MEN1: variants seen among roughly 807,000 people sequenced by gnomAD.
MEN1 encodes the protein menin.
MEN1 carries 6 observed loss-of-function variants against 58.0 expected under a neutral mutation model. The observed-to-expected ratio is 0.10, with a 90% CI of 0.06 to 0.20. The LOEUF (loss-of-function observed/expected upper bound fraction) is 0.20, where lower values mean the gene tolerates loss of function less well. Ranked by LOEUF, MEN1 falls within the 10% of genes least tolerant of loss-of-function variation. The pLI, the probability that MEN1 is intolerant of heterozygous loss-of-function variation, is 1.00. For missense variants in MEN1, 492 were observed against 818.5 expected (o/e 0.60, Z 4.87); for synonymous variants, 346 against 350.7 (o/e 0.99, Z 0.15).
chr11:64,805,670 C>T lies in MEN1; in HGVS notation c.1150G>A (p.Glu384Lys). The change falls in exon 8 of 10, where the codon GAG becomes AAG. Residue 384 changes from glutamate to lysine, a missense_variant. By Grantham distance (56) the Glu-to-Lys change is moderately conservative. This residue lies in a region of MEN1 where 335 missense variants were observed against 550.3 expected (regional missense o/e 0.61). Transcript: ENST00000450708. ...TCCCCCGGCCGCTCCTCGCCCGCCT[C>T]CAGCAAGCTGGCTGCCTCCTTCAGC... ...NLLKEAASLL[E>K]AGEERPGEQS... 1 of 1,614,152 alleles carries T rather than the reference C, an allele frequency of 6.2e-7. No individual in the cohort carries two copies.
At chr11:64,806,977 G>A (rs1021989103) in intron 6 of MEN1, 34 bp downstream of exon 6, 3 of 1,600,304 alleles carry the variant, frequency 1.9e-6, no homozygotes, top group Non-Finnish European at 2.6e-6. Context: ...CACTGTTAGG[G>A]TCTCCCTTCT....
rs1164926878 is a variant in MEN1 at position 64,804,116 on chromosome 11, G to A, written c.*218C>T. The A allele has an allele frequency of 1.3e-5, 8 of 604,162 alleles. No homozygotes were observed. In the Admixed American group the frequency reaches 2.4e-4, roughly 18 times the overall value. 37.4% of individuals were successfully genotyped at this position (604,162 alleles called of 1,614,324 possible). A position where few individuals can be genotyped will look rare whatever the true frequency, so the allele number is the denominator to read the frequency against. On this transcript the variant is annotated 3_prime_UTR_variant, in exon 10 of 10. Transcript: ENST00000450708. The surrounding 1 kb of genome is among the most constrained non-coding windows in gnomAD (Gnocchi z 4.2). Reference sequence around the variant, plus strand: ...TTTCCATTGGCCGGCTGGGATTCTGGGAGAAGAGACCTATATTCTAACGAC... The same window carrying A: ...TTTCCATTGGCCGGCTGGGATTCTGAGAGAAGAGACCTATATTCTAACGAC...
Position 64,807,530 on chromosome 11 carries a change from G to GC in MEN1, c.783+21dup, listed in dbSNP as rs1418636593. ...GTCAAGTCTGGCCTAGCCCAGTCCT[G>GC]CCCCATTGGCTCAGCCCTCACCTGC... On this transcript the variant is annotated intron_variant, in intron 4 of 9. Transcript: ENST00000450708. This position sits in a 1 kb window ranked among gnomAD's most constrained non-coding sequence, Gnocchi z 4.9. 1 of 1,613,558 alleles carries GC rather than the reference G, an allele frequency of 6.2e-7. No individual in the cohort carries two copies. The highest frequency in any genetic ancestry group is 1.3e-5 in the African/African-American group (1 of 74,914).
rs990141724 is a variant in MEN1, at chr11:64,804,516, G to A, written c.1651C>T (p.Leu551Phe). Residue 551 changes from leucine (L) to phenylalanine (F), a missense_variant, in exon 10 of 10, where the codon CTC becomes TTC. Transcript: ENST00000450708. This position sits in a 1 kb window ranked among gnomAD's most constrained non-coding sequence, Gnocchi z 4.2. ...TASPPPEGPV[L>F]TFQSEKMKGM... is the part of the protein sequence containing the mutation. ...TTCATCTTCTCACTCTGGAAAGTGA[G>A]CACTGGACCCTCCGGCGGTGGTGAT... 1 of 1,614,092 alleles carries A rather than the reference G, an allele frequency of 6.2e-7. No homozygotes were observed. Among genetic ancestry groups the A allele is most frequent in the Non-Finnish European group, 8.5e-7 (1 of 1,180,012 alleles).
rs757417271 is a variant in MEN1 at position 64,804,466 on chromosome 11, G to A, written c.1701C>T (p.Ala567=). 15 of 1,614,050 alleles carry A rather than the reference G, an allele frequency of 9.3e-6. No individual in the cohort carries two copies. In the South Asian group the frequency reaches 1.4e-4, roughly 15 times the overall value. ...TGATGGCGCTCGAGTTGATCTTGGT[G>A]GCCACCAGCAGCTCCTTCATGCCCT... ...KMKGMKELLV[A]TKINSSAIKL... is the part of the protein sequence containing the mutation. Residue 567 remains alanine (A), a synonymous_variant, in exon 10 of 10, where the codon GCC becomes GCT. Transcript: ENST00000450708. This position sits in a 1 kb window ranked among gnomAD's most constrained non-coding sequence, Gnocchi z 4.2.
chr11:64,807,864 G>A lies in MEN1; in HGVS notation c.654+27C>T, dbSNP rs1941844699. ...GCTTGGGCTACTACAGTATGAAGGG[G>A]ACAAGGCTGGGGGGAGGGAACAATA... On this transcript the variant is annotated intron_variant, in intron 3 of 9. Transcript: ENST00000450708. This position sits in a 1 kb window ranked among gnomAD's most constrained non-coding sequence, Gnocchi z 4.9. 1.7e-5 allele frequency: 27 copies of A among 1,613,416 alleles called. No homozygotes were observed. Among genetic ancestry groups the A allele is most frequent in the Non-Finnish European group, 2.2e-5 (26 of 1,179,534 alleles).
intron 7 of MEN1, 185 bp from the exon 8 acceptor site, chr11:64,805,955 G>A (rs903285944): frequency 2.2e-5 from 15 of 685,742 alleles, no homozygotes; most frequent in South Asian, 3.4e-5. Flanking sequence ...GCATGGGGCC[G>A]AGGGTGGAAG....
chr11:64,811,007 T>A (rs955499739), upstream of MEN1: 1 of 152,212 alleles, frequency 6.6e-6, no homozygotes, highest in Non-Finnish European at 1.5e-5. Flanking sequence ...TGGGTATCAG[T>A]GTCTGTTAAC....
At chr11:64,806,009 C>G (rs1188250433) in intron 7 of MEN1, 10 of 655,898 alleles carry the variant, frequency 1.5e-5, no homozygotes. Context: ...AGATTTGAGA[C>G]TGTTCTGAGA....
chr11:64,810,111 G>A lies in MEN1; in HGVS notation c.-2C>T, dbSNP rs653534. ...CTTCTGGGCGGCCTTCAGCCCCATG[G>A]CGGCGGGCGGTGGGCGGCGGCCTGC... On this transcript the variant is annotated 5_prime_UTR_variant, in exon 2 of 10. Coordinates refer to ENST00000450708, the MANE Select transcript of MEN1 (RefSeq NM_001370259.2). The A allele has an allele frequency of 3.8e-6, 6 of 1,570,002 alleles. No homozygotes were observed. Among genetic ancestry groups the A allele is most frequent in the Non-Finnish European group, 5.2e-6 (6 of 1,161,610 alleles).
intron 1 of MEN1, 82 bp from the exon 2 acceptor site, chr11:64,810,214 C>T (rs1051309910): frequency 1.1e-5 from 9 of 829,766 alleles, no homozygotes; most frequent in Non-Finnish European, 1.7e-5. Context: ...GTTCCACCCG[C>T]CCCGACACAC....
chr11:64,810,119 C>A lies in MEN1; in HGVS notation c.-10G>T. The A allele has an allele frequency of 1.6e-6, 1 of 637,622 alleles. No individual in the cohort carries two copies. The highest frequency in any genetic ancestry group is 2.2e-6 in the Non-Finnish European group (1 of 458,242). The allele number at this position is 637,622 out of a possible 1,614,324, so 39.5% of individuals were successfully genotyped here. A position where few individuals can be genotyped will look rare whatever the true frequency, so the allele number is the denominator to read the frequency against. On this transcript the variant is annotated 5_prime_UTR_variant, in exon 2 of 10. Transcript: ENST00000450708. ...CGGCCTTCAGCCCCATGGCGGCGGG[C>A]GGTGGGCGGCGGCCTGCAAGGCAAG... is the stretch of plus-strand genomic sequence containing the variant.
At position 64,804,607 on chromosome 11, in the gene MEN1, C is replaced by A; in HGVS notation, c.1560G>T (p.Gly520=). 1 of 1,610,514 alleles carries A rather than the reference C, an allele frequency of 6.2e-7. No homozygotes were observed. Among genetic ancestry groups the A allele is most frequent in the African/African-American group, 1.3e-5 (1 of 75,016 alleles). ...AVSGPPRKPP[G]TVAGTARGPE... The stretch of plus-strand genomic sequence containing the variant: ...GGCCTCGGGCTGTGCCAGCGACAGT[C>A]CCAGGAGGCTTCCGGGGGGGTCCTG... The change falls in exon 10 of 10, where the codon GGG becomes GGT. Residue 520 remains glycine (G), a synonymous_variant. Coordinates refer to ENST00000450708, the MANE Select transcript of MEN1 (RefSeq NM_001370259.2). This position sits in a 1 kb window ranked among gnomAD's most constrained non-coding sequence, Gnocchi z 4.2.
upstream of MEN1, chr11:64,810,895 A>T (rs1316102695): frequency 6.6e-6 from 1 of 152,232 alleles, no homozygotes; most frequent in Non-Finnish European, 1.5e-5. Context: ...ATGAGGAAAA[A>T]GATCAGGTTG....
rs1458312160 is a variant in MEN1 at position 64,804,074 on chromosome 11, T to C, written c.*260A>G. The C allele has an allele frequency of 3.7e-6, 2 of 534,828 alleles. No individual in the cohort carries two copies. Among genetic ancestry groups the C allele is most frequent in the Non-Finnish European group, 6.7e-6 (2 of 296,946 alleles). The allele number at this position is 534,828 out of a possible 1,614,324, so 33.1% of individuals were successfully genotyped here. A position where few individuals can be genotyped will look rare whatever the true frequency, so the allele number is the denominator to read the frequency against. ...GGCTGGGCCTTTAAAGACTGGTAAT[T>C]AGGACCCAGCGTGAGGTTTCCATTG... On this transcript the variant is annotated 3_prime_UTR_variant, in exon 10 of 10. Transcript: ENST00000450708. The surrounding 1 kb of genome is among the most constrained non-coding windows in gnomAD (Gnocchi z 4.2).
At position 64,808,064 on chromosome 11, in the gene MEN1, C is replaced by G. The variant is rs1268563474; in HGVS notation, c.481G>C (p.Val161Leu). The stretch of plus-strand genomic sequence containing the variant: ...CCCAGGGCCTGGCAGGCCCCAACCA[C>G]AGCAAAGGCCACACCGGAGCTGTCC... ...KLDSSGVAFAVVGACQALGLR... is the reference protein window; with the variant it reads ...KLDSSGVAFALVGACQALGLR... The change falls in exon 3 of 10, where the codon GTG (valine) becomes CTG (leucine). Residue 161 changes from valine (V) to leucine (L), a missense_variant. Physicochemically the swap from Val to Leu is conservative, Grantham distance 32. This residue lies in a region of MEN1 where 335 missense variants were observed against 550.3 expected (regional missense o/e 0.61). Transcript: ENST00000450708. 1 of 1,613,900 alleles carries G rather than the reference C, an allele frequency of 6.2e-7. No individual in the cohort carries two copies. Among genetic ancestry groups the G allele is most frequent in the Non-Finnish European group, 8.5e-7 (1 of 1,179,918 alleles).
At chr11:64,810,206 T>C (rs990705243) in intron 1 of MEN1, 74 bp from the exon 2 acceptor site, 1 of 942,542 alleles carries the variant, frequency 1.1e-6, no homozygotes, top group Non-Finnish European at 1.6e-6. Flanking sequence ...CCGCTAAGGT[T>C]CCACCCGCCC....
At chr11:64,805,416 C>T (rs1017271813) in intron 8 of MEN1, among the ~76,000 whole-genome samples, 1 of 152,182 alleles carries the variant, frequency 6.6e-6, no homozygotes, top group African/African-American at 2.4e-5. Flanking sequence ...GGAGTCTGGC[C>T]ATGAAACTGA....
chr11:64,806,443 G>C, intron 6 of MEN1, 75 bp from the exon 7 acceptor site: 1 of 1,574,830 alleles, frequency 6.3e-7, no homozygotes, highest in Non-Finnish European at 8.7e-7. Flanking sequence ...CCCCACCAGG[G>C]CACACCCAGA....
Sources: gnomAD v4.1 joint callset for allele counts (sites outside exome capture counted in the v4.1 genomes callset) on GRCh38, gnomAD v4.1.1 for gene constraint, gnomAD v4.1.1 regional missense constraint, Gnocchi (gnomAD v3.1) non-coding constraint, MANE v1.5 for transcripts, NCBI Gene and HGNC (gene_info 2026-07-23, HGNC 2026-07-21) for gene names.